DYNC2H1: variants seen among roughly 807,000 people sequenced by gnomAD.
DYNC2H1 encodes the protein cytoplasmic dynein 2 heavy chain 1.
Under a neutral mutation model 570.0 loss-of-function variants are expected in DYNC2H1, and 410 were observed. The observed-to-expected ratio is 0.72, with a 90% CI of 0.66 to 0.78. The LOEUF (loss-of-function observed/expected upper bound fraction) is 0.78, where lower values mean the gene tolerates loss of function less well. Ranked by LOEUF, DYNC2H1 falls within the 30% of genes least tolerant of loss-of-function variation. The pLI is 0.00. For synonymous variants in DYNC2H1, 1,688 were observed against 1,677.6 expected, an observed-to-expected ratio of 1.01 and a Z score of -0.15; for missense variants, 4,865 against 5,046.4, an observed-to-expected ratio of 0.96 and a Z score of 1.09.
chr11:103,347,113 AG>A (rs1472265481), intron 82 of DYNC2H1, among the ~76,000 whole-genome samples: 1 of 152,242 alleles, frequency 6.6e-6, no homozygotes, highest in Non-Finnish European at 1.5e-5. Context: ...TACCATTAAC[AG>A]GAAACACAGG....
At chr11:103,193,523 T>C (rs1233031189) in intron 47 of DYNC2H1, among the ~76,000 whole-genome samples, 2 of 152,024 alleles carry the variant, frequency 1.3e-5, no homozygotes, top group African/African-American at 4.8e-5. Context: ...AAAGGTTTTC[T>C]TTTTCTTTTC....
chr11:103,360,374 C>T (rs886747777), intron 83 of DYNC2H1, among the ~76,000 whole-genome samples: 6 of 151,968 alleles, frequency 3.9e-5, no homozygotes, highest in South Asian at 2.1e-4. Flanking sequence ...GAAAGTTACT[C>T]GACTTTTCTG....
chr11:103,384,070 A>G (rs996279379), intron 83 of DYNC2H1, among the ~76,000 whole-genome samples: 4 of 152,184 alleles, frequency 2.6e-5, no homozygotes, highest in Non-Finnish European at 5.9e-5. Flanking sequence ...CTATGCAATA[A>G]CATTTTGTTA....
chr11:103,369,862 T>G lies in DYNC2H1; in HGVS notation c.12156+11503T>G, dbSNP rs1941072777. Among the ~76,000 whole-genome samples the G allele has an allele frequency of 6.6e-6, 1 of 152,222 alleles. No homozygotes were observed. Among genetic ancestry groups the G allele is most frequent in the Non-Finnish European group, 1.5e-5 (1 of 68,040 alleles). The stretch of plus-strand genomic sequence containing the variant: ...CCTTGGGTGAGGTTCTGAGGCTTAC[T>G]GGCTTCAGGTGAGACTCAGCACATT... On this transcript the variant is annotated intron_variant, in intron 83 of 88. Coordinates refer to ENST00000375735, the MANE Select transcript of DYNC2H1 (RefSeq NM_001377.3). This position sits in a 1 kb window ranked among gnomAD's most constrained non-coding sequence, Gnocchi z 4.0.
chr11:103,396,209 G>A (rs962508272), intron 83 of DYNC2H1, among the ~76,000 whole-genome samples: 6 of 152,160 alleles, frequency 3.9e-5, no homozygotes, highest in African/African-American at 1.4e-4. Flanking sequence ...GGACTCTGAT[G>A]TTACCTAGAC....
chr11:103,214,135 C>A (rs1229522514), intron 54 of DYNC2H1, among the ~76,000 whole-genome samples: 1 of 152,026 alleles, frequency 6.6e-6, no homozygotes, highest in Non-Finnish European at 1.5e-5. Flanking sequence ...ACTATAAATA[C>A]ATGAATTTAT....
chr11:103,408,850 C>A (rs969765211), intron 84 of DYNC2H1, among the ~76,000 whole-genome samples: 1 of 151,870 alleles, frequency 6.6e-6, no homozygotes, highest in African/African-American at 2.4e-5. Context: ...CCAAGGTCAC[C>A]CCAGCCAAAA....
intron 1 of DYNC2H1, among the ~76,000 whole-genome samples, chr11:103,111,203 T>A (rs1004505746): frequency 2.0e-5 from 3 of 152,224 alleles, no homozygotes; most frequent in African/African-American, 7.2e-5. Flanking sequence ...CGATTGTATT[T>A]AATAAACATT....
At chr11:103,474,242 T>C (rs766131734) in intron 88 of DYNC2H1, 2 of 154,508 alleles carry the variant, frequency 1.3e-5, no homozygotes, top group Non-Finnish European at 2.9e-5. Flanking sequence ...GTTTCCTATT[T>C]TGAGATTTTT....
chr11:103,215,940 C>A, intron 55 of DYNC2H1, 82 bp downstream of exon 55: 1 of 1,481,336 alleles, frequency 6.8e-7, no homozygotes, highest in Non-Finnish European at 9.1e-7. Flanking sequence ...AACATTTTCA[C>A]TTAGGTGGAT....
chr11:103,288,932 G>A (rs1011948426), intron 75 of DYNC2H1, among the ~76,000 whole-genome samples: 11 of 150,242 alleles, frequency 7.3e-5, no homozygotes, highest in Non-Finnish European at 1.5e-4. Flanking sequence ...ATGCAGCCTC[G>A]GGCTGCAAGA....
chr11:103,470,140 G>C (rs530219663), intron 88 of DYNC2H1, among the ~76,000 whole-genome samples: 2 of 152,214 alleles, frequency 1.3e-5, no homozygotes, highest in African/African-American at 4.8e-5. Flanking sequence ...CCCACGTACT[G>C]AACGCAAATC....
At position 103,255,628 on chromosome 11, in the gene DYNC2H1, A is replaced by AT. The variant is rs36054868; in HGVS notation, c.10326+103dup. Reference sequence around the variant, plus strand: ...TTTGGAAAATTAATAGTATCTTCAGATTTTTTTTTCCAAAGACATATTAGT... The same window carrying AT: ...TTTGGAAAATTAATAGTATCTTCAGATTTTTTTTTTCCAAAGACATATTAGT... On this transcript the variant is annotated intron_variant, in intron 67 of 88. Transcript: ENST00000375735. 5.4e-3 allele frequency: 7,104 copies of AT among 1,317,704 alleles called. 173 individuals are homozygous for AT. In the African/African-American group the frequency reaches 0.073, roughly 14 times the overall value. 81.6% of individuals were successfully genotyped at this position (1,317,704 alleles called of 1,614,324 possible).
intron 75 of DYNC2H1, among the ~76,000 whole-genome samples, chr11:103,291,854 TG>T (rs1866613210): frequency 6.6e-6 from 1 of 152,002 alleles, no homozygotes; most frequent in Admixed American, 6.6e-5. Flanking sequence ...CTCTTTTATC[TG>T]ATATAATTAT....
At position 103,239,590 on chromosome 11, in the gene DYNC2H1, G is replaced by GC. The variant is rs1864347421; in HGVS notation, c.9819+3053dup. ...GGTCACATGGCTATCAAGTGGTAGA[G>GC]CCAGGATTCAAACCCAGGCCACCTA... On this transcript the variant is annotated intron_variant, in intron 63 of 88. Transcript: ENST00000375735. The surrounding 1 kb of genome is among the most constrained non-coding windows in gnomAD (Gnocchi z 4.3). Among the ~76,000 whole-genome samples, 1 of 151,916 alleles carries GC rather than the reference G, an allele frequency of 6.6e-6. No individual in the cohort carries two copies. The highest frequency in any genetic ancestry group is 2.1e-4 in the South Asian group (1 of 4,828).
intron 80 of DYNC2H1, among the ~76,000 whole-genome samples, chr11:103,317,017 G>C (rs1450259517): frequency 6.6e-6 from 1 of 152,068 alleles, no homozygotes; most frequent in Non-Finnish European, 1.5e-5. Flanking sequence ...ACAAATAATA[G>C]ATTGAAACAC....
chr11:103,441,997 G>A (rs10502015), intron 85 of DYNC2H1, among the ~76,000 whole-genome samples: 26,917 of 151,996 alleles, frequency 0.18, 2,568 homozygotes, highest in Admixed American at 0.26. Context: ...CAAGTACTCA[G>A]TAAAATTATT....
chr11:103,127,156 G>A (rs1859044527), intron 12 of DYNC2H1, among the ~76,000 whole-genome samples: 1 of 152,150 alleles, frequency 6.6e-6, no homozygotes, highest in African/African-American at 2.4e-5. Context: ...AGTACACAGA[G>A]GGTTGGGTGA....
chr11:103,286,923 A>G (rs1866373512), intron 74 of DYNC2H1, among the ~76,000 whole-genome samples: 1 of 152,104 alleles, frequency 6.6e-6, no homozygotes, highest in Non-Finnish European at 1.5e-5. Context: ...AGTGAATTCT[A>G]TTTCCCCAAA....
Sources: allele counts gnomAD v4.1 joint callset (sites outside exome capture counted in the v4.1 genomes callset), GRCh38; gene constraint gnomAD v4.1.1; non-coding constraint Gnocchi (gnomAD v3.1); transcripts MANE v1.5; gene names NCBI Gene and HGNC (gene_info 2026-07-23, HGNC 2026-07-21).